ATP8B2: variants seen among roughly 807,000 people sequenced by gnomAD.
ATP8B2 encodes phospholipid-transporting ATPase ID.
Under a neutral mutation model 133.4 loss-of-function variants are expected in ATP8B2, and 70 were observed. That is an observed-to-expected ratio of 0.52 (90% CI 0.43 to 0.64). The LOEUF is 0.64. Among genes scored for constraint, ATP8B2 ranks in the 30% least tolerant of loss-of-function variants. ATP8B2 has a pLI of 0.00. For missense variants in ATP8B2, 1,101 were observed against 1,535.7 expected (o/e 0.72, Z 4.73); for synonymous variants, 517 against 589.5 (o/e 0.88, Z 1.78).
rs1685865491 is a variant in ATP8B2, at chr1:154,328,462, A to G, written c.31+290A>G. On this transcript the variant is annotated intron_variant, in intron 2 of 27. Transcript: ENST00000368489. This position sits in a 1 kb window ranked among gnomAD's most constrained non-coding sequence, Gnocchi z 4.6. ...TTCTGGCCTAGGGAGCTGTGTTCTCATCTCTGCTTGGTCCTCTCACCCCTT... is the reference window on the plus strand; with the variant it reads ...TTCTGGCCTAGGGAGCTGTGTTCTCGTCTCTGCTTGGTCCTCTCACCCCTT... Among the ~76,000 whole-genome samples, 1 of 152,062 alleles carries G rather than the reference A, an allele frequency of 6.6e-6. No individual in the cohort carries two copies. The highest frequency in any genetic ancestry group is 2.1e-4 in the South Asian group (1 of 4,826).
Position 154,334,275 on chromosome 1 carries a change from C to A in ATP8B2, c.748+10C>A, listed in dbSNP as rs1485837645. The A allele has an allele frequency of 6.2e-7, 1 of 1,612,982 alleles. No individual in the cohort carries two copies. Among genetic ancestry groups the A allele is most frequent in the Admixed American group, 1.7e-5 (1 of 59,974 alleles). ...CTGGTCATCTTTGCAGGTGAGCCTC[C>A]TAGCATCCAAAGAAAGAAGGGTAAG... On this transcript the variant is annotated intron_variant, in intron 10 of 27. Transcript: ENST00000368489. This position sits in a 1 kb window ranked among gnomAD's most constrained non-coding sequence, Gnocchi z 4.6.
At position 154,328,847 on chromosome 1, in the gene ATP8B2, G is replaced by A. The variant is rs1685883615; in HGVS notation, c.31+675G>A. On this transcript the variant is annotated intron_variant, in intron 2 of 27. Transcript: ENST00000368489. This position sits in a 1 kb window ranked among gnomAD's most constrained non-coding sequence, Gnocchi z 4.6. Reference sequence around the variant, plus strand: ...GGCGGCCGGGAGGATGGCCTGGGCTGCGGGTGGGGCGCGCGCCCGACGGCT... The same window carrying A: ...GGCGGCCGGGAGGATGGCCTGGGCTACGGGTGGGGCGCGCGCCCGACGGCT... 8.9e-7 allele frequency: 1 copy of A among 1,127,110 alleles called. No homozygotes were observed. The highest frequency in any genetic ancestry group is 1.1e-6 in the Non-Finnish European group (1 of 908,214). 69.8% of individuals were successfully genotyped at this position (1,127,110 alleles called of 1,614,324 possible). A position where few individuals can be genotyped will look rare whatever the true frequency, so the allele number is the denominator to read the frequency against.
Position 154,344,898 on chromosome 1 carries a change from G to A in ATP8B2, c.2287-73G>A. 6.5e-7 allele frequency: 1 copy of A among 1,548,684 alleles called. No homozygotes were observed. Among genetic ancestry groups the A allele is most frequent in the Non-Finnish European group, 8.7e-7 (1 of 1,146,598 alleles). On this transcript the variant is annotated intron_variant, in intron 21 of 27. Transcript: ENST00000368489. This position sits in a 1 kb window ranked among gnomAD's most constrained non-coding sequence, Gnocchi z 4.1. ...ATTTCAGAGAAGACTGGTCTCAAAG[G>A]GGACTGGGAGGAGCTGAGACTCCCA...
chr1:154,327,697 G>C, intron 1 of ATP8B2: 2 of 1,167,578 alleles, frequency 1.7e-6, no homozygotes, highest in Non-Finnish European at 2.5e-6. Flanking sequence ...GTGTTTCCTG[G>C]CTCATGTTCC....
rs761917064 is a variant in ATP8B2 at position 154,345,394 on chromosome 1, C to T, written c.2543C>T (p.Ser848Phe). Residue 848 changes from serine to phenylalanine, a missense_variant, in exon 23 of 28, where the codon TCC becomes TTC. Coordinates refer to ENST00000368489, the MANE Select transcript of ATP8B2 (RefSeq NM_001370597.1). The surrounding 1 kb of genome is among the most constrained non-coding windows in gnomAD (Gnocchi z 5.6). ...GTCTTGGCCTCCGATTACTCCTTCTCCCAGTTCAAGTTCCTGCAGCGCCTC... is the reference window on the plus strand; with the variant it reads ...GTCTTGGCCTCCGATTACTCCTTCTTCCAGTTCAAGTTCCTGCAGCGCCTC... ...QAVLASDYSF[S>F]QFKFLQRLLL... is the part of the protein sequence containing the mutation. The T allele has an allele frequency of 6.2e-7, 1 of 1,614,210 alleles. No homozygotes were observed. The highest frequency in any genetic ancestry group is 1.1e-5 in the South Asian group (1 of 91,088).
chr1:154,349,136 CCT>C lies in ATP8B2; in HGVS notation c.*19_*20del, dbSNP rs1558277312. 1 of 1,607,776 alleles carries C rather than the reference CCT, an allele frequency of 6.2e-7. No individual in the cohort carries two copies. The highest frequency in any genetic ancestry group is 1.1e-5 in the South Asian group (1 of 90,638). The stretch of plus-strand genomic sequence containing the variant: ...AGGGCTGAAGGCCGAGGATGGATGC[CCT>C]GTGCCAGTGACCAGAGCACCCAGGG... On this transcript the variant is annotated 3_prime_UTR_variant, in exon 28 of 28. Transcript: ENST00000368489.
chr1:154,348,921 C>T lies in ATP8B2; in HGVS notation c.3376C>T (p.Arg1126Cys), dbSNP rs1471672535. 3.1e-6 allele frequency: 5 copies of T among 1,613,874 alleles called. No homozygotes were observed. Among genetic ancestry groups the T allele is most frequent in the Non-Finnish European group, 4.2e-6 (5 of 1,179,944 alleles). ...GCGGGTTGGCCGCACTGGCTCCCGG[C>T]GCTCCGGCTATGCCTTCTCCCATCA... is the stretch of plus-strand genomic sequence containing the variant. ...MRRVGRTGSR[R>C]SGYAFSHQEG... Residue 1126 changes from arginine (R) to cysteine (C), a missense_variant, in exon 28 of 28, where the codon CGC becomes TGC. By Grantham distance (180) the Arg-to-Cys change is radical. Transcript: ENST00000368489.
chr1:154,333,453 G>C (rs1192757893), intron 9 of ATP8B2, among the ~76,000 whole-genome samples: 1 of 149,734 alleles, frequency 6.7e-6, no homozygotes, highest in Non-Finnish European at 1.5e-5. Context: ...GCAGTGAGCC[G>C]AGATCGGGCC....
chr1:154,332,135 G>C (rs1283819190), intron 8 of ATP8B2, 111 bp downstream of exon 8: 1 of 1,145,940 alleles, frequency 8.7e-7, no homozygotes, highest in East Asian at 2.4e-5. Flanking sequence ...GGAAAAATTA[G>C]GGGTAAGAAA....
chr1:154,350,661 C>G lies in ATP8B2; in HGVS notation c.*1543C>G, dbSNP rs1036800979. On this transcript the variant is annotated 3_prime_UTR_variant, in exon 28 of 28. Coordinates refer to ENST00000368489, the MANE Select transcript of ATP8B2 (RefSeq NM_001370597.1). ...AGGAGGATAAGGGCAAAACCAGGCC[C>G]AGGCCAGTGCCTGGCTTGGTCTGGA... 1 of 152,340 alleles carries G rather than the reference C, an allele frequency of 6.6e-6. No homozygotes were observed. The highest frequency in any genetic ancestry group is 1.5e-5 in the Non-Finnish European group (1 of 68,092). 9.4% of individuals were successfully genotyped at this position (152,340 alleles called of 1,614,324 possible).
At position 154,343,515 on chromosome 1, in the gene ATP8B2, A is replaced by G. The variant is rs1686456751; in HGVS notation, c.1705A>G (p.Arg569Gly). The G allele has an allele frequency of 6.2e-7, 1 of 1,614,140 alleles. No individual in the cohort carries two copies. The highest frequency in any genetic ancestry group is 8.5e-7 in the Non-Finnish European group (1 of 1,180,028). Residue 569 changes from arginine to glycine, a missense_variant, in exon 17 of 28, where the codon AGA (arginine) becomes GGA (glycine). Physicochemically the swap from Arg to Gly is moderately radical, Grantham distance 125. Transcript: ENST00000368489. This position sits in a 1 kb window ranked among gnomAD's most constrained non-coding sequence, Gnocchi z 5.8. Reference protein sequence around the residue: ...CKGADTILLDRLHHSTQELLN... With the variant: ...CKGADTILLDGLHHSTQELLN... ...AGGGGCTGACACTATCCTACTGGAC[A>G]GACTGCACCACTCCACTCAAGAGCT...
chr1:154,344,888 G>C lies in ATP8B2; in HGVS notation c.2287-83G>C. 6.5e-7 allele frequency: 1 copy of C among 1,543,962 alleles called. No homozygotes were observed. Among genetic ancestry groups the C allele is most frequent in the Non-Finnish European group, 8.7e-7 (1 of 1,143,744 alleles). On this transcript the variant is annotated intron_variant, in intron 21 of 27. Coordinates refer to ENST00000368489, the MANE Select transcript of ATP8B2 (RefSeq NM_001370597.1). The surrounding 1 kb of genome is among the most constrained non-coding windows in gnomAD (Gnocchi z 4.1). ...ATTTCCCCTGATTTCAGAGAAGACT[G>C]GTCTCAAAGGGGACTGGGAGGAGCT...
Position 154,344,928 on chromosome 1 carries a change from T to A in ATP8B2, c.2287-43T>A, listed in dbSNP as rs925093210. The A allele has an allele frequency of 6.4e-7, 1 of 1,574,746 alleles. No individual in the cohort carries two copies. The highest frequency in any genetic ancestry group is 8.6e-7 in the Non-Finnish European group (1 of 1,158,888). Reference sequence around the variant, plus strand: ...TGGGAGGAGCTGAGACTCCCAGGTGTCTCCTGGAAAGACTGGCTCTCTCAG... The same window carrying A: ...TGGGAGGAGCTGAGACTCCCAGGTGACTCCTGGAAAGACTGGCTCTCTCAG... On this transcript the variant is annotated intron_variant, in intron 21 of 27. Coordinates refer to ENST00000368489, the MANE Select transcript of ATP8B2 (RefSeq NM_001370597.1). This position sits in a 1 kb window ranked among gnomAD's most constrained non-coding sequence, Gnocchi z 4.1.
In ATP8B2 at chr1:154,349,275, C is replaced by G. The variant is rs1365403650; in HGVS notation, c.*157C>G. The stretch of plus-strand genomic sequence containing the variant: ...GTCCCACCACACATGGCTGGGACAT[C>G]TGTTCCCAGCTGTAGGCCCTTCCAC... On this transcript the variant is annotated 3_prime_UTR_variant, in exon 28 of 28. Coordinates refer to ENST00000368489, the MANE Select transcript of ATP8B2 (RefSeq NM_001370597.1). 1 of 1,001,224 alleles carries G rather than the reference C, an allele frequency of 1.0e-6. No homozygotes were observed. Among genetic ancestry groups the G allele is most frequent in the Non-Finnish European group, 1.4e-6 (1 of 696,676 alleles). The allele number at this position is 1,001,224 out of a possible 1,614,324, so 62.0% of individuals were successfully genotyped here.
In ATP8B2 at chr1:154,331,774, C is replaced by A; in HGVS notation, c.438+96C>A. On this transcript the variant is annotated intron_variant, in intron 7 of 27. Coordinates refer to ENST00000368489, the MANE Select transcript of ATP8B2 (RefSeq NM_001370597.1). This position sits in a 1 kb window ranked among gnomAD's most constrained non-coding sequence, Gnocchi z 4.8. ...CTGATTTACTGTTGCCTCTTAAACA[C>A]CCGTGGCAGGAATCTTTCTCACACC... 7.1e-7 allele frequency: 1 copy of A among 1,416,832 alleles called. No individual in the cohort carries two copies. Among genetic ancestry groups the A allele is most frequent in the Non-Finnish European group, 1.0e-6 (1 of 1,002,518 alleles). 87.8% of individuals were successfully genotyped at this position (1,416,832 alleles called of 1,614,324 possible).
At chr1:154,329,348 T>A (rs1685904436) in intron 2 of ATP8B2, among the ~76,000 whole-genome samples, 1 of 152,224 alleles carries the variant, frequency 6.6e-6, no homozygotes. Flanking sequence ...GTTTTGTTAC[T>A]GCAGTGTGCT....
Position 154,330,946 on chromosome 1 carries a change from G to T in ATP8B2, c.204+18G>T, listed in dbSNP as rs768423229. On this transcript the variant is annotated intron_variant, in intron 4 of 27. Coordinates refer to ENST00000368489, the MANE Select transcript of ATP8B2 (RefSeq NM_001370597.1). Reference sequence around the variant, plus strand: ...TTCTGCAGGTAGGTGACCCATAGTAGATTTTTTGCAGCTCCCCAAACTGAA... The same window carrying T: ...TTCTGCAGGTAGGTGACCCATAGTATATTTTTTGCAGCTCCCCAAACTGAA... 1 of 1,609,366 alleles carries T rather than the reference G, an allele frequency of 6.2e-7. No homozygotes were observed. The highest frequency in any genetic ancestry group is 8.5e-7 in the Non-Finnish European group (1 of 1,175,968).
At position 154,345,944 on chromosome 1, in the gene ATP8B2, A is replaced by G; in HGVS notation, c.2778+61A>G. On this transcript the variant is annotated intron_variant, in intron 24 of 27. Transcript: ENST00000368489. The surrounding 1 kb of genome is among the most constrained non-coding windows in gnomAD (Gnocchi z 5.6). ...GAAGGTCACTGCTTGAAGGAGTCAC[A>G]TAGACGTGGTGTGTGACACTTGTGC... The G allele has an allele frequency of 1.4e-6, 2 of 1,456,192 alleles. No homozygotes were observed. The highest frequency in any genetic ancestry group is 1.1e-5 in the South Asian group (1 of 87,230). The allele number at this position is 1,456,192 out of a possible 1,614,324, so 90.2% of individuals were successfully genotyped here.
intron 9 of ATP8B2, among the ~76,000 whole-genome samples, chr1:154,333,841 G>T (rs1686086471): frequency 8.0e-6 from 1 of 124,982 alleles, no homozygotes; most frequent in Non-Finnish European, 1.8e-5. Context: ...CACCATGTTG[G>T]CCAGGCTGGT....
Sources: allele counts gnomAD v4.1 joint callset (sites outside exome capture counted in the v4.1 genomes callset), GRCh38; gene constraint gnomAD v4.1.1; non-coding constraint Gnocchi (gnomAD v3.1); transcripts MANE v1.5; gene names NCBI Gene and HGNC (gene_info 2026-07-23, HGNC 2026-07-21).